The following STK33 variants were observed in gnomAD, a reference collection of about 807,000 sequenced individuals.
STK33 encodes serine/threonine-protein kinase 33.
A neutral mutation model predicts 58.0 loss-of-function variants in STK33; 52 were observed. The ratio of observed to expected loss-of-function variants is 0.90; its 90% confidence interval spans 0.72 to 1.13. The LOEUF (loss-of-function observed/expected upper bound fraction) is 1.13, where lower values mean the gene tolerates loss of function less well. STK33 is among the 50% of genes most tolerant of loss of function. The pLI, the probability that STK33 is intolerant of heterozygous loss-of-function variation, is 0.00. For synonymous variants in STK33, 215 were observed against 200.1 expected, an observed-to-expected ratio of 1.07 and a Z score of -0.63; for missense variants, 630 against 604.2, an observed-to-expected ratio of 1.04 and a Z score of -0.45.
chr11:8,573,721 C>A (rs1483390291), intron 1 of STK33, among the ~76,000 whole-genome samples: 1 of 152,172 alleles, frequency 6.6e-6, no homozygotes, highest in Non-Finnish European at 1.5e-5. Context: ...AACTGTAGCA[C>A]ATCCATACTA....
At chr11:8,495,145 A>G (rs1382400554) in intron 1 of STK33, among the ~76,000 whole-genome samples, 1 of 152,228 alleles carries the variant, frequency 6.6e-6, no homozygotes, top group East Asian at 1.9e-4. Context: ...AACTACCCTC[A>G]GAGTGAACAG....
chr11:8,590,445 C>T lies in STK33; in HGVS notation c.-466+3638G>A, dbSNP rs193251395. Among the ~76,000 whole-genome samples the T allele has an allele frequency of 4.2e-3, 637 of 151,820 alleles. 3 individuals carry two copies. The highest frequency in any genetic ancestry group is 0.015 in the African/African-American group (619 of 41,396). On this transcript the variant is annotated intron_variant, in intron 1 of 15. Coordinates refer to ENST00000687296, the MANE Select transcript of STK33 (RefSeq NM_001352389.2). Reference sequence around the variant, plus strand: ...TATCAAAAATAAGGATAATAGTATTCCTAAGTGAACTTATCTTTATCAATA... The same window carrying T: ...TATCAAAAATAAGGATAATAGTATTTCTAAGTGAACTTATCTTTATCAATA...
At chr11:8,587,229 C>T (rs1343204200) in intron 1 of STK33, among the ~76,000 whole-genome samples, 1 of 152,030 alleles carries the variant, frequency 6.6e-6, no homozygotes, top group Non-Finnish European at 1.5e-5. Flanking sequence ...TGCATTTATA[C>T]AAATTTATTA....
At chr11:8,368,760 T>C in the STK33 span, among the ~76,000 whole-genome samples, 1 of 151,992 alleles carries the variant, frequency 6.6e-6, no homozygotes, top group East Asian at 1.9e-4. Flanking sequence ...GACTTCCCAT[T>C]AATCTCAGGA....
At chr11:8,399,653 C>A (rs1850026991) in intron 15 of STK33, among the ~76,000 whole-genome samples, 1 of 152,064 alleles carries the variant, frequency 6.6e-6, no homozygotes, top group Non-Finnish European at 1.5e-5. Flanking sequence ...CACAAAAAAA[C>A]CCTTCAAAAA....
At chr11:8,520,301 T>C (rs1953283328) in intron 1 of STK33, among the ~76,000 whole-genome samples, 1 of 152,180 alleles carries the variant, frequency 6.6e-6, no homozygotes, top group African/African-American at 2.4e-5. Flanking sequence ...CAGCCCTTCA[T>C]GCTAAAAACT....
chr11:8,541,224 C>A (rs1417017785), intron 1 of STK33, among the ~76,000 whole-genome samples: 1 of 152,016 alleles, frequency 6.6e-6, no homozygotes, highest in African/African-American at 2.4e-5. Context: ...TATTTAAAAA[C>A]TGACCTAATT....
chr11:8,447,340 G>T (rs1396487937), intron 11 of STK33, among the ~76,000 whole-genome samples: 1 of 152,048 alleles, frequency 6.6e-6, no homozygotes, highest in Non-Finnish European at 1.5e-5. Flanking sequence ...CAAAAAAAGA[G>T]AATTTTAGAC....
At chr11:8,386,598 G>A in the STK33 span, among the ~76,000 whole-genome samples, 2 of 152,206 alleles carry the variant, frequency 1.3e-5, no homozygotes, top group Non-Finnish European at 2.9e-5. Flanking sequence ...ATCCCCCGCT[G>A]CTGGCTTAGG....
chr11:8,335,334 G>A, the STK33 span, among the ~76,000 whole-genome samples: 1 of 152,266 alleles, frequency 6.6e-6, no homozygotes, highest in Middle Eastern at 3.4e-3. Context: ...AAACTCCCGA[G>A]GGCTCCCACC....
chr11:8,457,849 G>A (rs1016904363), intron 8 of STK33, among the ~76,000 whole-genome samples: 1 of 152,160 alleles, frequency 6.6e-6, no homozygotes, highest in African/African-American at 2.4e-5. Context: ...GGAAAGAATA[G>A]GCAGAGCACA....
intron 8 of STK33, among the ~76,000 whole-genome samples, chr11:8,459,953 A>G (rs1327066615): frequency 1.3e-5 from 2 of 152,234 alleles, no homozygotes; most frequent in Admixed American, 6.5e-5. Context: ...CTGTGTTCCC[A>G]TGAGCTGGAG....
chr11:8,454,654 T>C, intron 10 of STK33, 90 bp downstream of exon 10: 6 of 1,402,030 alleles, frequency 4.3e-6, no homozygotes, highest in Non-Finnish European at 5.6e-6. Context: ...GCTCAAAAGC[T>C]AGCAACATGT....
At chr11:8,496,996 G>C (rs1302604663) in intron 1 of STK33, among the ~76,000 whole-genome samples, 1 of 151,826 alleles carries the variant, frequency 6.6e-6, no homozygotes, top group African/African-American at 2.4e-5. Flanking sequence ...GTTTTGCATA[G>C]CATACAAAAT....
At chr11:8,344,230 C>CACACACACACACACACACACACA in the STK33 span, among the ~76,000 whole-genome samples, 2 of 147,502 alleles carry the variant, frequency 1.4e-5, no homozygotes, top group South Asian at 2.1e-4. Context: ...CACACACACA[C>CACACACACACACACACACACACA]CCCAGTTAGC....
At chr11:8,478,006 A>G (rs1324421426) in intron 2 of STK33, among the ~76,000 whole-genome samples, 1 of 152,226 alleles carries the variant, frequency 6.6e-6, no homozygotes, top group Non-Finnish European at 1.5e-5. Context: ...TTTCTTGACA[A>G]GAATTAGATT....
the STK33 span, among the ~76,000 whole-genome samples, chr11:8,345,099 C>T: frequency 6.6e-6 from 1 of 152,166 alleles, no homozygotes; most frequent in Non-Finnish European, 1.5e-5. Context: ...CTCGCACCTT[C>T]CCTCTATGCT....
chr11:8,589,421 T>C (rs2032239818), intron 1 of STK33, among the ~76,000 whole-genome samples: 1 of 152,164 alleles, frequency 6.6e-6, no homozygotes, highest in Admixed American at 6.5e-5. Context: ...AGGCCACATA[T>C]TGTATAATTC....
chr11:8,537,801 C>A lies in STK33; in HGVS notation c.-466+56282G>T, dbSNP rs537813513. 2.4e-5 allele frequency among the ~76,000 whole-genome samples: 3 copies of A among 124,646 alleles called. No homozygotes were observed. The Admixed American group carries it at 2.6e-4, about 11-fold the overall frequency. The allele number at this position is 124,646 out of a possible 152,430, so 81.8% of individuals were successfully genotyped here. A position where few individuals can be genotyped will look rare whatever the true frequency, so the allele number is the denominator to read the frequency against. ...CTCCAGCCTGGGGAACAGAGCGAGA[C>A]TCTGTTTCAAAAAAAAAAAAAAATT... On this transcript the variant is annotated intron_variant, in intron 1 of 15. Transcript: ENST00000687296.
Sources: allele counts gnomAD v4.1 joint callset (sites outside exome capture counted in the v4.1 genomes callset), GRCh38; gene constraint gnomAD v4.1.1; transcripts MANE v1.5; gene names NCBI Gene and HGNC (gene_info 2026-07-23, HGNC 2026-07-21).